SHISA9: variants seen among roughly 807,000 people sequenced by gnomAD.
The protein encoded by SHISA9 is protein shisa-9.
SHISA9 carries 13 observed loss-of-function variants against 38.0 expected under a neutral mutation model. The observed-to-expected ratio is 0.34, with a 90% CI of 0.22 to 0.54. The LOEUF is 0.54. Ranked by LOEUF, SHISA9 falls within the 20% of genes least tolerant of loss-of-function variation. The pLI is 0.91. For missense variants in SHISA9, 538 were observed against 575.8 expected, an observed-to-expected ratio of 0.93 and a Z score of 0.67; for synonymous variants, 275 against 242.0, an observed-to-expected ratio of 1.14 and a Z score of -1.27.
Position 13,001,052 on chromosome 16 carries a change from C to A in SHISA9, c.691+84237C>A, listed in dbSNP as rs74894818. On this transcript the variant is annotated intron_variant, in intron 2 of 4. Coordinates refer to ENST00000558583, the MANE Select transcript of SHISA9 (RefSeq NM_001145204.3). ...AAGCGATTCTCCTGCCTCACCCCGC[C>A]GAGTAGCTGGGACTACAGGTACCCA... Among the ~76,000 whole-genome samples, 8 of 152,210 alleles carry A rather than the reference C, an allele frequency of 5.3e-5. 1 individual carries two copies. The highest frequency in any genetic ancestry group is 2.0e-4 in the Admixed American group (3 of 15,280).
At chr16:13,338,630 T>A in the SHISA9 span, among the ~76,000 whole-genome samples, 1 of 152,112 alleles carries the variant, frequency 6.6e-6, no homozygotes, top group Non-Finnish European at 1.5e-5. Context: ...TTTTTTCTGC[T>A]AGTTGGTTCC....
the SHISA9 span, among the ~76,000 whole-genome samples, chr16:13,558,421 A>G: frequency 2.6e-5 from 4 of 152,216 alleles, no homozygotes; most frequent in Non-Finnish European, 5.9e-5. Flanking sequence ...CCAACTCCCA[A>G]TTAGCCAATC....
chr16:12,925,788 G>A (rs2071386189), intron 2 of SHISA9, among the ~76,000 whole-genome samples: 1 of 152,192 alleles, frequency 6.6e-6, no homozygotes, highest in Non-Finnish European at 1.5e-5. Context: ...GATAGGAAAT[G>A]CCTACTATAG....
At chr16:13,554,556 A>G in the SHISA9 span, among the ~76,000 whole-genome samples, 6 of 143,678 alleles carry the variant, frequency 4.2e-5, no homozygotes, top group Admixed American at 4.3e-4. Flanking sequence ...CAGTAGTTCA[A>G]TCTTGTCTCA....
At chr16:13,047,104 G>A in intron 2 of SHISA9, among the ~76,000 whole-genome samples, 1 of 152,158 alleles carries the variant, frequency 6.6e-6, no homozygotes, top group East Asian at 1.9e-4. Flanking sequence ...ACCGAAAAAG[G>A]CTAGAAGTTT....
intron 2 of SHISA9, among the ~76,000 whole-genome samples, chr16:13,057,854 A>G (rs894764894): frequency 6.6e-6 from 1 of 151,944 alleles, no homozygotes; most frequent in Admixed American, 6.6e-5. Context: ...CCCTGTGTCC[A>G]TGTGTTCTCA....
At chr16:13,473,756 C>G in the SHISA9 span, among the ~76,000 whole-genome samples, 2 of 152,260 alleles carry the variant, frequency 1.3e-5, no homozygotes, top group African/African-American at 2.4e-5. Flanking sequence ...AGTCTTACCT[C>G]TCTGGACTTC....
At chr16:13,519,234 TC>T in the SHISA9 span, among the ~76,000 whole-genome samples, 1 of 152,158 alleles carries the variant, frequency 6.6e-6, no homozygotes, top group Non-Finnish European at 1.5e-5. Context: ...CAGAAAATAA[TC>T]AAAGATTTCT....
the SHISA9 span, among the ~76,000 whole-genome samples, chr16:13,511,234 G>A: frequency 6.6e-6 from 1 of 152,188 alleles, no homozygotes; most frequent in African/African-American, 2.4e-5. Flanking sequence ...TCACTGAGAT[G>A]AAACTGTATT....
At chr16:13,289,181 C>T in the SHISA9 span, among the ~76,000 whole-genome samples, 1 of 152,176 alleles carries the variant, frequency 6.6e-6, no homozygotes, top group Non-Finnish European at 1.5e-5. Context: ...CTAGCCCACC[C>T]TCCTCTCCTC....
intron 2 of SHISA9, among the ~76,000 whole-genome samples, chr16:12,973,925 G>A (rs903313699): frequency 6.6e-6 from 1 of 152,158 alleles, no homozygotes. Context: ...GCACCCTTCT[G>A]GATTTTGTTG....
the SHISA9 span, among the ~76,000 whole-genome samples, chr16:13,402,778 T>C: frequency 2.0e-5 from 3 of 152,176 alleles, no homozygotes; most frequent in Non-Finnish European, 4.4e-5. Context: ...CTTGGCACAG[T>C]CAAGTTGACG....
intron 2 of SHISA9, among the ~76,000 whole-genome samples, chr16:13,004,340 C>T (rs976486719): frequency 6.6e-6 from 1 of 152,168 alleles, no homozygotes; most frequent in Non-Finnish European, 1.5e-5. Flanking sequence ...AGGGCCAGAT[C>T]AGTGTGTTAA....
chr16:12,970,806 G>A (rs2072071500), intron 2 of SHISA9, among the ~76,000 whole-genome samples: 1 of 151,842 alleles, frequency 6.6e-6, no homozygotes, highest in Admixed American at 6.6e-5. Flanking sequence ...TTACAGGTGT[G>A]AGCCACCGCG....
chr16:13,175,355 A>G (rs2142025205), intron 2 of SHISA9, among the ~76,000 whole-genome samples: 1 of 152,230 alleles, frequency 6.6e-6, no homozygotes, highest in South Asian at 2.1e-4. Context: ...ACAGAATGAG[A>G]CTCCCTCTCC....
At chr16:13,300,845 T>TCTCTCCTCTCCTCTC in the SHISA9 span, among the ~76,000 whole-genome samples, 35 of 133,170 alleles carry the variant, frequency 2.6e-4, no homozygotes, top group African/African-American at 5.2e-4. Context: ...CCTCCCCTCT[T>TCTCTCCTCTCCTCTC]CTCTCCTCTC....
intron 2 of SHISA9, among the ~76,000 whole-genome samples, chr16:13,154,424 G>A (rs902288567): frequency 6.6e-6 from 1 of 152,154 alleles, no homozygotes; most frequent in Non-Finnish European, 1.5e-5. Context: ...ATCTCTTCTG[G>A]ATGGAAGCTT....
At chr16:13,382,503 C>A in the SHISA9 span, among the ~76,000 whole-genome samples, 19,012 of 137,898 alleles carry the variant, frequency 0.14, 1,506 homozygotes, top group East Asian at 0.39. Context: ...GCACTCAAGC[C>A]TGGATGAAAA....
At chr16:13,399,388 C>T in the SHISA9 span, among the ~76,000 whole-genome samples, 1 of 152,148 alleles carries the variant, frequency 6.6e-6, no homozygotes, top group African/African-American at 2.4e-5. Context: ...CCTGATTTAA[C>T]CACAAATGGA....
Sources: allele counts gnomAD v4.1 joint callset (sites outside exome capture counted in the v4.1 genomes callset), GRCh38; gene constraint gnomAD v4.1.1; transcripts MANE v1.5; gene names NCBI Gene and HGNC (gene_info 2026-07-23, HGNC 2026-07-21).